Variants in DIPK1A observed in about 807,000 individuals in gnomAD.
The protein encoded by DIPK1A is family with sequence similarity 69 member A.
DIPK1A carries 27 observed loss-of-function variants against 40.8 expected under a neutral mutation model. The ratio of observed to expected loss-of-function variants is 0.66; its 90% confidence interval spans 0.49 to 0.91. The LOEUF (loss-of-function observed/expected upper bound fraction) is 0.91, where lower values mean the gene tolerates loss of function less well. Among genes scored for constraint, DIPK1A ranks in the 40% least tolerant of loss-of-function variants. The probability of loss-of-function intolerance (pLI) is 0.00; values close to 1 mark genes in which losing one functional copy is unlikely to be tolerated. For missense variants in DIPK1A, 412 were observed against 505.7 expected, an observed-to-expected ratio of 0.81 and a Z score of 1.78; for synonymous variants, 166 against 171.3, an observed-to-expected ratio of 0.97 and a Z score of 0.24.
In DIPK1A at chr1:92,842,194, A is replaced by T. The variant is rs1338749990; in HGVS notation, c.*1189T>A. The T allele has an allele frequency of 9.9e-7, 1 of 1,011,826 alleles. No individual in the cohort carries two copies. Among genetic ancestry groups the T allele is most frequent in the African/African-American group, 1.7e-5 (1 of 57,898 alleles). 62.7% of individuals were successfully genotyped at this position (1,011,826 alleles called of 1,614,324 possible). On this transcript the variant is annotated 3_prime_UTR_variant, in exon 5 of 5. Coordinates refer to ENST00000370310, the MANE Select transcript of DIPK1A (RefSeq NM_001006605.5). The stretch of plus-strand genomic sequence containing the variant: ...TTTCTTCCATCCATTTATTATAACC[A>T]GATGATGAATGGGAAAAGTACCTTA...
chr1:92,942,178 A>T (rs1571144773), intron 1 of DIPK1A, among the ~76,000 whole-genome samples: 1 of 152,358 alleles, frequency 6.6e-6, no homozygotes, highest in East Asian at 1.9e-4. Context: ...AGACAGAAGC[A>T]AATTAAGTTG....
intron 1 of DIPK1A, among the ~76,000 whole-genome samples, chr1:92,880,997 CT>C (rs1648344890): frequency 6.6e-6 from 1 of 151,532 alleles, no homozygotes; most frequent in African/African-American, 2.4e-5. Flanking sequence ...CGAGACCAGC[CT>C]GGCCAACACA....
intron 4 of DIPK1A, among the ~76,000 whole-genome samples, chr1:92,845,677 T>C (rs959649721): frequency 6.6e-6 from 1 of 151,270 alleles, no homozygotes; most frequent in African/African-American, 2.4e-5. Flanking sequence ...CCATCTCTAC[T>C]AAAAATACAA....
chr1:92,840,148 T>C, downstream of DIPK1A: 1 of 251,950 alleles, frequency 4.0e-6, no homozygotes, highest in Non-Finnish European at 7.7e-6. Context: ...GGACTACAGG[T>C]GCATGCCACC....
chr1:92,856,448 C>T (rs1391920423), intron 2 of DIPK1A, among the ~76,000 whole-genome samples: 1 of 150,576 alleles, frequency 6.6e-6, no homozygotes, highest in Non-Finnish European at 1.5e-5. Flanking sequence ...GACGGAGTTT[C>T]CTCTTGTTGC....
chr1:92,868,208 T>G (rs1231575729), intron 2 of DIPK1A, among the ~76,000 whole-genome samples: 1 of 152,192 alleles, frequency 6.6e-6, no homozygotes, highest in East Asian at 1.9e-4. Flanking sequence ...CAAGAAAAAG[T>G]GAGGCTGGGG....
intron 1 of DIPK1A, among the ~76,000 whole-genome samples, chr1:92,961,090 C>T (rs1019563207): frequency 1.3e-5 from 2 of 152,116 alleles, no homozygotes; most frequent in Non-Finnish European, 2.9e-5. Flanking sequence ...CAGGTCACGT[C>T]TCGGGGCTCT....
chr1:92,833,490 A>G lies in DIPK1A; in HGVS notation c.475-456T>C, dbSNP rs754413727. The G allele has an allele frequency of 3.1e-6, 5 of 1,612,954 alleles. No individual in the cohort carries two copies. In the South Asian group the frequency reaches 3.3e-5, roughly 11 times the overall value. ...TCACCTTTTTGTGTTTACAATATTA[A>G]TCTGCTTTGCAGATGCAGTGGAGTA... On this transcript the variant is annotated intron_variant, in intron 4 of 4. Transcript: ENST00000615519.
downstream of DIPK1A, chr1:92,842,147 GACCA>G (rs2100701184): frequency 3.9e-5 from 41 of 1,038,352 alleles, no homozygotes; most frequent in Non-Finnish European, 4.7e-5. Flanking sequence ...GCAAGCAACA[GACCA>G]ACCATCAGTG....
At chr1:92,958,467 C>A (rs1247082834) in intron 1 of DIPK1A, among the ~76,000 whole-genome samples, 1 of 152,154 alleles carries the variant, frequency 6.6e-6, no homozygotes, top group African/African-American at 2.4e-5. Context: ...TCTCTGCAAC[C>A]TTTCTCTCCT....
intron 2 of DIPK1A, among the ~76,000 whole-genome samples, chr1:92,855,529 T>A (rs1557454752): frequency 1.3e-5 from 2 of 151,646 alleles, no homozygotes; most frequent in Non-Finnish European, 2.9e-5. Flanking sequence ...TGAGACCTCA[T>A]ATCTAAAAAT....
chr1:92,894,455 C>A (rs1004258363), intron 1 of DIPK1A, among the ~76,000 whole-genome samples: 1 of 152,024 alleles, frequency 6.6e-6, no homozygotes, highest in Non-Finnish European at 1.5e-5. Context: ...TTGAAACCAA[C>A]AAGAACAAAG....
At chr1:92,838,620 T>C (rs1687216346), downstream of DIPK1A, among the ~76,000 whole-genome samples, 1 of 152,234 alleles carries the variant, frequency 6.6e-6, no homozygotes, top group Non-Finnish European at 1.5e-5. Context: ...TCCTCCTGTG[T>C]GCCTGCTGAA....
intron 1 of DIPK1A, among the ~76,000 whole-genome samples, chr1:92,881,966 AGTCTCTTG>A (rs1369219852): frequency 6.6e-6 from 1 of 152,182 alleles, no homozygotes; most frequent in Non-Finnish European, 1.5e-5. Flanking sequence ...AAGATCTACA[AGTCTCTTG>A]ATGCTTTAAA....
intron 2 of DIPK1A, among the ~76,000 whole-genome samples, chr1:92,859,733 C>T (rs1017729827): frequency 1.3e-5 from 2 of 152,208 alleles, no homozygotes; most frequent in African/African-American, 4.8e-5. Flanking sequence ...GACAGGGTCT[C>T]ACTCTGTCGC....
At chr1:92,911,693 T>C (rs958674242) in intron 1 of DIPK1A, among the ~76,000 whole-genome samples, 1 of 152,104 alleles carries the variant, frequency 6.6e-6, no homozygotes, top group African/African-American at 2.4e-5. Flanking sequence ...GTATAATTGC[T>C]GGGTCATATG....
chr1:92,859,768 A>G (rs1365604693), intron 2 of DIPK1A, among the ~76,000 whole-genome samples: 1 of 152,206 alleles, frequency 6.6e-6, no homozygotes, highest in African/African-American at 2.4e-5. Flanking sequence ...CAGTGGCATG[A>G]TCACAGCTCA....
At chr1:92,846,811 A>G (rs1475156159) in intron 4 of DIPK1A, among the ~76,000 whole-genome samples, 49 of 3,198 alleles carry the variant, frequency 0.015, 6 homozygotes, top group African/African-American at 0.11. Flanking sequence ...ATATATATAT[A>G]TATATATATA....
At chr1:92,928,748 G>A (rs1368782254) in intron 1 of DIPK1A, among the ~76,000 whole-genome samples, 4 of 152,284 alleles carry the variant, frequency 2.6e-5, no homozygotes, top group African/African-American at 9.6e-5. Context: ...GATCGCTTGA[G>A]CTCAGGGGTT....
Sources: allele counts gnomAD v4.1 joint callset (sites outside exome capture counted in the v4.1 genomes callset), GRCh38; gene constraint gnomAD v4.1.1; transcripts MANE v1.5; gene names NCBI Gene and HGNC (gene_info 2026-07-23, HGNC 2026-07-21).